LRRC9: variants seen among roughly 807,000 people sequenced by gnomAD.
LRRC9 encodes leucine rich repeat containing 9.
LRRC9 carries 122 observed loss-of-function variants against 63.2 expected under a neutral mutation model. The ratio of observed to expected loss-of-function variants is 1.93; its 90% CI spans 1.67 to 2.24. The LOEUF (loss-of-function observed/expected upper bound fraction) is 2.24. Among genes scored for constraint, LRRC9 ranks in the 30% most tolerant of loss-of-function variants. The pLI is 0.00. For synonymous variants in LRRC9, 366 were observed against 213.1 expected (o/e 1.72, Z -6.25); for missense variants, 1,071 against 627.7 (o/e 1.71, Z -7.55).
chr14:60,051,336 C>G lies in LRRC9; in HGVS notation c.3991-1729C>G, dbSNP rs2140429403. ...CAGTGAGGAAGAATGGATCAGGGTGCCACTTAAAGAAGCAGTCTGAGCATG... is the reference window on the plus strand; with the variant it reads ...CAGTGAGGAAGAATGGATCAGGGTGGCACTTAAAGAAGCAGTCTGAGCATG... On this transcript the variant is annotated intron_variant, in intron 29 of 31. Coordinates refer to ENST00000445360, the Ensembl canonical transcript of LRRC9. This position sits in a 1 kb window ranked among gnomAD's most constrained non-coding sequence, Gnocchi z 4.7. 1.3e-5 allele frequency among the ~76,000 whole-genome samples: 2 copies of G among 152,306 alleles called. No homozygotes were observed. The highest frequency in any genetic ancestry group is 1.3e-4 in the Admixed American group (2 of 15,300).
chr14:59,962,780 G>GAAA lies in LRRC9; in HGVS notation c.1211+1746_1211+1748dup, dbSNP rs34322011. ...AACTCTTTGCAACAAGTGGATTAGT[G>GAAA]AAAAAAAAAAAAATGTAAAAGCAAA... On this transcript the variant is annotated intron_variant, in intron 10 of 31. Transcript: ENST00000445360. The surrounding 1 kb of genome is among the most constrained non-coding windows in gnomAD (Gnocchi z 5.1). Among the ~76,000 whole-genome samples, 1 of 140,646 alleles carries GAAA rather than the reference G, an allele frequency of 7.1e-6. No individual in the cohort carries two copies. The highest frequency in any genetic ancestry group is 1.5e-5 in the Non-Finnish European group (1 of 64,602). 92.3% of individuals were successfully genotyped at this position (140,646 alleles called of 152,430 possible).
intron 13 of LRRC9, among the ~76,000 whole-genome samples, chr14:59,975,129 A>ATG (rs1555375456): frequency 9.0e-5 from 1 of 11,112 alleles, no homozygotes; most frequent in African/African-American, 1.6e-4. Context: ...ATATATATGT[A>ATG]TATATATATA....
At chr14:60,012,270 T>C (rs995699615) in intron 23 of LRRC9, among the ~76,000 whole-genome samples, 2 of 152,170 alleles carry the variant, frequency 1.3e-5, no homozygotes, top group Non-Finnish European at 2.9e-5. Context: ...TGTGACTCTT[T>C]AATGGTAAAT....
chr14:60,062,804 C>T (rs772141905), intron 31 of LRRC9, among the ~76,000 whole-genome samples: 19 of 152,176 alleles, frequency 1.2e-4, no homozygotes, highest in Middle Eastern at 3.2e-3. Context: ...GTTAAAATGA[C>T]CTACCTCAGC....
At position 59,972,894 on chromosome 14, in the gene LRRC9, T is replaced by G. The variant is rs535339894; in HGVS notation, c.1507-1682T>G. On this transcript the variant is annotated intron_variant, in intron 12 of 31. Transcript: ENST00000445360. ...GACAACAGAAAATACTGGTTAATCC[T>G]GCAAATTGGTTAAGTGTTAGTTAAG... Among the ~76,000 whole-genome samples, 6 of 152,270 alleles carry G rather than the reference T, an allele frequency of 3.9e-5. No homozygotes were observed. In the South Asian group the frequency reaches 1.2e-3, roughly 32 times the overall value.
At position 60,004,852 on chromosome 14, in the gene LRRC9, T is replaced by C. The variant is rs1889681423; in HGVS notation, c.2842+1054T>C. On this transcript the variant is annotated intron_variant, in intron 21 of 31. Transcript: ENST00000445360. The surrounding 1 kb of genome is among the most constrained non-coding windows in gnomAD (Gnocchi z 4.8). ...ATGTCCACAAGTGTGCACTATTTGA[T>C]TGAAAAGAGAAATATGTATATGTGT... Among the ~76,000 whole-genome samples, 1 of 144,688 alleles carries C rather than the reference T, an allele frequency of 6.9e-6. No individual in the cohort carries two copies. Among genetic ancestry groups the C allele is most frequent in the Non-Finnish European group, 1.5e-5 (1 of 66,632 alleles). 94.9% of individuals were successfully genotyped at this position (144,688 alleles called of 152,430 possible).
intron 21 of LRRC9, among the ~76,000 whole-genome samples, chr14:60,005,800 C>T (rs1889759882): frequency 6.6e-6 from 1 of 152,094 alleles, no homozygotes. Context: ...TTGAAGCCAA[C>T]TAGGATTCCG....
At chr14:59,980,492 AAATAAAATTTAGAAT>A in intron 15 of LRRC9, among the ~76,000 whole-genome samples, 1 of 152,238 alleles carries the variant, frequency 6.6e-6, no homozygotes, top group East Asian at 1.9e-4. Context: ...ATCTTTTTCC[AAATAAAATTTAGAAT>A]AGCTTGTCAA....
chr14:60,019,036 A>T (rs1183455632), intron 25 of LRRC9, 85 bp from the exon 26 acceptor site: 1 of 531,794 alleles, frequency 1.9e-6, no homozygotes, highest in Non-Finnish European at 3.3e-6. Flanking sequence ...ATATATTATT[A>T]AATTATGTGG....
intron 12 of LRRC9, among the ~76,000 whole-genome samples, chr14:59,967,438 A>G (rs1453843731): frequency 6.6e-6 from 1 of 152,162 alleles, no homozygotes; most frequent in Non-Finnish European, 1.5e-5. Flanking sequence ...TAATCCTTCT[A>G]GGCATCTTAT....
chr14:60,065,963 ACTTT>A (rs1894876916), downstream of LRRC9, among the ~76,000 whole-genome samples: 2 of 151,978 alleles, frequency 1.3e-5, no homozygotes, highest in South Asian at 4.2e-4. Flanking sequence ...TCCAATACAA[ACTTT>A]ACTATTTACT....
intron 31 of LRRC9, among the ~76,000 whole-genome samples, chr14:60,059,821 G>C (rs1470825844): frequency 6.6e-6 from 1 of 152,194 alleles, no homozygotes; most frequent in Non-Finnish European, 1.5e-5. Context: ...AGCAGCAAGT[G>C]CTGATGTAGA....
At chr14:59,949,547 C>A (rs1477421127) in intron 8 of LRRC9, among the ~76,000 whole-genome samples, 3 of 151,250 alleles carry the variant, frequency 2.0e-5, no homozygotes, top group East Asian at 4.0e-4. Flanking sequence ...TTGCCTTCTG[C>A]TAGCTTTTGA....
chr14:59,971,484 G>A (rs552902821), intron 12 of LRRC9, among the ~76,000 whole-genome samples: 1 of 152,242 alleles, frequency 6.6e-6, no homozygotes, highest in Non-Finnish European at 1.5e-5. Context: ...CTGTTAGTTT[G>A]ATAGGAATAG....
At chr14:59,981,070 C>G (rs934237492) in intron 15 of LRRC9, among the ~76,000 whole-genome samples, 9 of 152,090 alleles carry the variant, frequency 5.9e-5, no homozygotes, top group Non-Finnish European at 1.2e-4. Context: ...CAAATTGATC[C>G]TTCATGCCTT....
intron 13 of LRRC9, among the ~76,000 whole-genome samples, chr14:59,976,225 G>C (rs1217983071): frequency 2.0e-5 from 3 of 152,174 alleles, no homozygotes; most frequent in African/African-American, 7.2e-5. Context: ...TTCATTATAT[G>C]TTACAATGTA....
chr14:59,977,226 C>T (rs920700833), exon 14 of LRRC9: 3 of 666,878 alleles, frequency 4.5e-6, no homozygotes, highest in Non-Finnish European at 8.0e-6. Context: ...TATATTTAGG[C>T]ATCCTCCTCA....
At chr14:59,943,528 T>C (rs1424845676) in intron 7 of LRRC9, among the ~76,000 whole-genome samples, 2 of 152,132 alleles carry the variant, frequency 1.3e-5, no homozygotes, top group African/African-American at 4.8e-5. Context: ...TTCTTTTAAC[T>C]CAGTTGCACT....
At chr14:60,020,716 T>C (rs1484236140) in intron 26 of LRRC9, among the ~76,000 whole-genome samples, 2 of 151,984 alleles carry the variant, frequency 1.3e-5, no homozygotes, top group East Asian at 1.9e-4. Flanking sequence ...AATGGAACTA[T>C]AAAATAGACG....
Sources: gnomAD v4.1 joint callset for allele counts (sites outside exome capture counted in the v4.1 genomes callset) on GRCh38, gnomAD v4.1.1 for gene constraint, Gnocchi (gnomAD v3.1) non-coding constraint, MANE v1.5 for transcripts, NCBI Gene and HGNC (gene_info 2026-07-23, HGNC 2026-07-21) for gene names.